The following TRAK1 variants were observed in gnomAD, a reference collection of about 807,000 sequenced individuals.
TRAK1 encodes trafficking kinesin-binding protein 1.
Under a neutral mutation model 92.1 loss-of-function variants are expected in TRAK1, and 33 were observed. The observed-to-expected ratio is 0.36, with a 90% CI of 0.27 to 0.48. The LOEUF (loss-of-function observed/expected upper bound fraction) is 0.48. Among genes scored for constraint, TRAK1 ranks in the 20% least tolerant of loss-of-function variants. TRAK1 has a pLI of 0.99. For synonymous variants in TRAK1, 521 were observed against 517.3 expected, an observed-to-expected ratio of 1.01 and a Z score of -0.10; for missense variants, 1,123 against 1,257.9, an observed-to-expected ratio of 0.89 and a Z score of 1.62.
At chr3:42,047,669 A>C (rs920888688) in intron 1 of TRAK1, among the ~76,000 whole-genome samples, 3 of 152,196 alleles carry the variant, frequency 2.0e-5, no homozygotes, top group Non-Finnish European at 4.4e-5. Flanking sequence ...AGTTAACTTT[A>C]ATGTAAAATA....
chr3:42,021,758 G>A (rs1285196562), intron 1 of TRAK1, among the ~76,000 whole-genome samples: 1 of 152,056 alleles, frequency 6.6e-6, no homozygotes, highest in Non-Finnish European at 1.5e-5. Flanking sequence ...TGTATTTTTA[G>A]TAGAGACGGG....
intron 1 of TRAK1, among the ~76,000 whole-genome samples, chr3:42,053,751 G>A (rs1014557303): frequency 7.9e-5 from 12 of 151,914 alleles, no homozygotes; most frequent in African/African-American, 2.7e-4. Flanking sequence ...CCATCATACC[G>A]CCTTTCCCCT....
intron 7 of TRAK1, among the ~76,000 whole-genome samples, chr3:42,192,401 T>C (rs991127419): frequency 1.3e-5 from 2 of 151,932 alleles, no homozygotes; most frequent in Non-Finnish European, 2.9e-5. Context: ...ACTAAGTATA[T>C]TGCATTTCGT....
intron 1 of TRAK1, among the ~76,000 whole-genome samples, chr3:42,033,256 G>A (rs1458898811): frequency 6.6e-6 from 1 of 152,132 alleles, no homozygotes; most frequent in African/African-American, 2.4e-5. Flanking sequence ...CTGGTGTGGG[G>A]ATAAGGGATT....
intron 2 of TRAK1, among the ~76,000 whole-genome samples, chr3:42,137,321 C>T (rs1399391347): frequency 1.3e-5 from 2 of 152,164 alleles, no homozygotes; most frequent in East Asian, 3.8e-4. Flanking sequence ...GGATATCAGG[C>T]CAGATAGTAC....
At chr3:42,069,250 G>C (rs1287116678) in intron 1 of TRAK1, among the ~76,000 whole-genome samples, 1 of 151,872 alleles carries the variant, frequency 6.6e-6, no homozygotes, top group African/African-American at 2.4e-5. Context: ...TAGCCCGGGA[G>C]GTCAAGGCTG....
chr3:42,184,694 G>A lies in TRAK1; in HGVS notation c.373G>A (p.Asp125Asn). ...VTRLLEEKER[D>N]LELAARIGQS... The stretch of plus-strand genomic sequence containing the variant: ...CTCTTTCCTTTTGTAGAAAGAGCGG[G>A]ATTTAGAATTGGCCGCTCGCATCGG... Residue 125 changes from aspartate to asparagine, a missense_variant, in exon 4 of 16, where the codon GAT becomes AAT. Coordinates refer to ENST00000327628, the MANE Select transcript of TRAK1 (RefSeq NM_001042646.3). 6.2e-7 allele frequency: 1 copy of A among 1,614,048 alleles called. No individual in the cohort carries two copies. Among genetic ancestry groups the A allele is most frequent in the Non-Finnish European group, 8.5e-7 (1 of 1,179,966 alleles).
rs1226237980 is a variant in TRAK1, at chr3:42,191,601, A to G, written c.734A>G (p.Glu245Gly). 2 of 1,604,358 alleles carry G rather than the reference A, an allele frequency of 1.2e-6. No homozygotes were observed. The highest frequency in any genetic ancestry group is 2.7e-5 in the African/African-American group (2 of 74,844). The change falls in exon 7 of 16, where the codon GAG (glutamate) becomes GGG (glycine). Residue 245 changes from glutamate (E) to glycine (G), a missense_variant. Physicochemically the swap from Glu to Gly is moderately conservative, Grantham distance 98. Around this residue, in one of 3 missense-constraint regions of TRAK1, gnomAD observed 686 missense variants for 747.6 expected, o/e 0.92. Coordinates refer to ENST00000327628, the MANE Select transcript of TRAK1 (RefSeq NM_001042646.3). ...GAGACCATCACCTATGAGGAGAAGG[A>G]GCAGCAGCTGGTCAATGACTGCGTG... Reference protein sequence around the residue: ...KTETITYEEKEQQLVNDCVKE... With the variant: ...KTETITYEEKGQQLVNDCVKE...
chr3:42,024,584 T>C (rs1407358528), intron 1 of TRAK1, among the ~76,000 whole-genome samples: 1 of 152,218 alleles, frequency 6.6e-6, no homozygotes, highest in Non-Finnish European at 1.5e-5. Flanking sequence ...ATTAACAAGA[T>C]ATAAAGCACC....
At chr3:42,197,463 A>G (rs908249304) in intron 10 of TRAK1, among the ~76,000 whole-genome samples, 1 of 152,028 alleles carries the variant, frequency 6.6e-6, no homozygotes, top group Non-Finnish European at 1.5e-5. Flanking sequence ...TTTCCCCCCA[A>G]ATTTTCTATC....
At chr3:42,131,952 C>T (rs1389731580) in intron 2 of TRAK1, among the ~76,000 whole-genome samples, 2 of 150,568 alleles carry the variant, frequency 1.3e-5, no homozygotes, top group Non-Finnish European at 2.9e-5. Flanking sequence ...CCTTGTAGTC[C>T]CAGCTACTCA....
intron 1 of TRAK1, among the ~76,000 whole-genome samples, chr3:42,070,345 G>A (rs1197344813): frequency 6.7e-6 from 1 of 150,282 alleles, no homozygotes; most frequent in Non-Finnish European, 1.5e-5. Context: ...TAACATGATA[G>A]TATCTCATAC....
chr3:42,017,716 A>G (rs918823443), intron 1 of TRAK1, among the ~76,000 whole-genome samples: 12 of 152,244 alleles, frequency 7.9e-5, no homozygotes, highest in African/African-American at 2.7e-4. Context: ...GCTGTGTAGT[A>G]TGATTCATTA....
chr3:42,052,011 G>A (rs1396894660), intron 1 of TRAK1, among the ~76,000 whole-genome samples: 1 of 152,174 alleles, frequency 6.6e-6, no homozygotes, highest in African/African-American at 2.4e-5. Context: ...TGACAGCTTA[G>A]CATGTGACCA....
rs564785519 is a variant in TRAK1, at chr3:42,183,730, A to C, written c.364-955A>C. On this transcript the variant is annotated intron_variant, in intron 3 of 15. Coordinates refer to ENST00000327628, the MANE Select transcript of TRAK1 (RefSeq NM_001042646.3). ...ACGACATGTTTCCATTCTTTCTTTC[A>C]AACCAGATGAGCAGAGTAATTAGCA... 1.6e-4 allele frequency among the ~76,000 whole-genome samples: 25 copies of C among 152,246 alleles called. No homozygotes were observed. In the South Asian group the frequency reaches 5.2e-3, roughly 32 times the overall value.
intron 2 of TRAK1, among the ~76,000 whole-genome samples, chr3:42,154,802 C>G (rs1205847724): frequency 4.6e-5 from 7 of 152,078 alleles, no homozygotes; most frequent in Non-Finnish European, 1.0e-4. Flanking sequence ...ACCCTGCTCT[C>G]TAGGAGCAGA....
intron 1 of TRAK1, among the ~76,000 whole-genome samples, chr3:42,066,329 A>T (rs1331703398): frequency 6.6e-6 from 1 of 152,214 alleles, no homozygotes; most frequent in East Asian, 1.9e-4. Flanking sequence ...CTGTCTCAAA[A>T]AAAAGAAAAG....
chr3:42,022,454 G>C (rs1462502357), intron 1 of TRAK1, among the ~76,000 whole-genome samples: 1 of 152,214 alleles, frequency 6.6e-6, no homozygotes, highest in East Asian at 1.9e-4. Flanking sequence ...GGGTGTAGCA[G>C]CTCACGCCTG....
chr3:42,198,904 G>T (rs1692831094), intron 10 of TRAK1, among the ~76,000 whole-genome samples: 1 of 152,108 alleles, frequency 6.6e-6, no homozygotes, highest in South Asian at 2.1e-4. Context: ...GGCCAACGGA[G>T]CATAGGGTTT....
Sources: allele counts gnomAD v4.1 joint callset (sites outside exome capture counted in the v4.1 genomes callset), GRCh38; gene constraint gnomAD v4.1.1; regional missense constraint gnomAD v4.1.1; transcripts MANE v1.5; gene names NCBI Gene and HGNC (gene_info 2026-07-23, HGNC 2026-07-21).